ZNRF3: variants seen among roughly 807,000 people sequenced by gnomAD.
ZNRF3 encodes E3 ubiquitin-protein ligase ZNRF3.
ZNRF3 carries 23 observed loss-of-function variants against 72.5 expected under a neutral mutation model. The ratio of observed to expected loss-of-function variants is 0.32; its 90% CI spans 0.23 to 0.45. ZNRF3 has a LOEUF of 0.45. Ranked by LOEUF, ZNRF3 falls within the 20% of genes least tolerant of loss-of-function variation. The pLI is 1.00. For synonymous variants in ZNRF3, 610 were observed against 545.3 expected, an observed-to-expected ratio of 1.12 and a Z score of -1.65; for missense variants, 1,169 against 1,272.1, an observed-to-expected ratio of 0.92 and a Z score of 1.23.
At chr22:28,994,553 T>C (rs7292513) in intron 2 of ZNRF3, among the ~76,000 whole-genome samples, 1,693 of 151,906 alleles carry the variant, frequency 0.011, 40 homozygotes, top group African/African-American at 0.039. Flanking sequence ...AGACAGAAAG[T>C]AGAATGGTGG....
At chr22:28,904,885 G>T (rs1225139403) in intron 1 of ZNRF3, among the ~76,000 whole-genome samples, 2 of 151,432 alleles carry the variant, frequency 1.3e-5, no homozygotes, top group Non-Finnish European at 2.9e-5. Context: ...CTGTTCTTTG[G>T]CTGACCTGAG....
At chr22:28,919,188 C>T (rs903807698) in intron 1 of ZNRF3, among the ~76,000 whole-genome samples, 1 of 152,230 alleles carries the variant, frequency 6.6e-6, no homozygotes, top group Non-Finnish European at 1.5e-5. Flanking sequence ...CAAGTTATTT[C>T]TGAACTGGAG....
intron 4 of ZNRF3, among the ~76,000 whole-genome samples, chr22:29,044,421 C>T (rs1212799005): frequency 6.6e-6 from 1 of 152,230 alleles, no homozygotes; most frequent in African/African-American, 2.4e-5. Context: ...TCCCTCAAAA[C>T]ATGACACTCA....
chr22:28,965,853 A>G (rs935632234), intron 1 of ZNRF3, among the ~76,000 whole-genome samples: 1 of 152,242 alleles, frequency 6.6e-6, no homozygotes, highest in Non-Finnish European at 1.5e-5. Flanking sequence ...GCTGGACAGA[A>G]TAAGCTAGAT....
intron 1 of ZNRF3, among the ~76,000 whole-genome samples, chr22:28,931,074 G>A (rs896180752): frequency 6.6e-6 from 1 of 152,206 alleles, no homozygotes; most frequent in African/African-American, 2.4e-5. Context: ...CAAAGTGAGT[G>A]ACATCGTGAA....
At position 28,984,119 on chromosome 22, in the gene ZNRF3, GT is replaced by G. The variant is rs113767390; in HGVS notation, c.301-2945del. Among the ~76,000 whole-genome samples, 127 of 133,548 alleles carry G rather than the reference GT, an allele frequency of 9.5e-4. 1 individual carries two copies. The highest frequency in any genetic ancestry group is 3.5e-3 in the East Asian group (15 of 4,266). 87.6% of individuals were successfully genotyped at this position (133,548 alleles called of 152,430 possible). A position where few individuals can be genotyped will look rare whatever the true frequency, so the allele number is the denominator to read the frequency against. ...GAGTAAGCTCTTAGGACAGTTGCTT[GT>G]TTTTTTTTTTTAAAAAAAACCTTTT... is the stretch of plus-strand genomic sequence containing the variant. On this transcript the variant is annotated intron_variant, in intron 1 of 8. Transcript: ENST00000544604.
chr22:29,020,023 C>G (rs1017058884), intron 2 of ZNRF3, among the ~76,000 whole-genome samples: 1 of 151,944 alleles, frequency 6.6e-6, no homozygotes, highest in Non-Finnish European at 1.5e-5. Flanking sequence ...CCCAATCCCC[C>G]CATGGATACC....
intron 2 of ZNRF3, among the ~76,000 whole-genome samples, chr22:29,038,074 T>C (rs2036896081): frequency 6.6e-6 from 1 of 152,198 alleles, no homozygotes; most frequent in Admixed American, 6.5e-5. Context: ...TTTCCCATCC[T>C]TTCTTTGAAA....
At chr22:28,944,492 C>T (rs961457141) in intron 1 of ZNRF3, among the ~76,000 whole-genome samples, 18 of 152,078 alleles carry the variant, frequency 1.2e-4, no homozygotes, top group African/African-American at 3.4e-4. Flanking sequence ...CGGTGGCTCA[C>T]GCCTGTAATC....
chr22:28,891,993 T>C (rs2033896419), intron 1 of ZNRF3, among the ~76,000 whole-genome samples: 1 of 152,242 alleles, frequency 6.6e-6, no homozygotes, highest in African/African-American at 2.4e-5. Context: ...TGTAGTTTTC[T>C]GGCATTTAAA....
At chr22:28,981,900 GGCAAGAGAATT>G (rs989132165) in intron 1 of ZNRF3, among the ~76,000 whole-genome samples, 212 of 152,266 alleles carry the variant, frequency 1.4e-3, no homozygotes, top group African/African-American at 4.9e-3. Flanking sequence ...AAGAGGCTGA[GGCAAGAGAATT>G]GCTTGAACCC....
At chr22:28,935,979 C>T (rs997943146) in intron 1 of ZNRF3, among the ~76,000 whole-genome samples, 2 of 152,122 alleles carry the variant, frequency 1.3e-5, no homozygotes, top group African/African-American at 4.8e-5. Context: ...CTGGTGCCCT[C>T]TGTGATGTGA....
At chr22:28,886,927 G>C (rs1161813483) in intron 1 of ZNRF3, among the ~76,000 whole-genome samples, 1 of 152,162 alleles carries the variant, frequency 6.6e-6, no homozygotes, top group African/African-American at 2.4e-5. Context: ...CTGTACTCCA[G>C]CCTGGACAAC....
intron 1 of ZNRF3, among the ~76,000 whole-genome samples, chr22:28,900,776 G>T (rs1018557125): frequency 6.6e-6 from 1 of 152,166 alleles, no homozygotes; most frequent in Non-Finnish European, 1.5e-5. Flanking sequence ...CCATTAGATT[G>T]TAACCTCCTT....
At chr22:28,961,424 G>C (rs1601605185) in intron 1 of ZNRF3, among the ~76,000 whole-genome samples, 1 of 152,166 alleles carries the variant, frequency 6.6e-6, no homozygotes, top group Non-Finnish European at 1.5e-5. Context: ...TCAAAATATG[G>C]ACAGTATTCA....
chr22:28,948,763 A>G (rs765969088), intron 1 of ZNRF3, among the ~76,000 whole-genome samples: 1 of 152,228 alleles, frequency 6.6e-6, no homozygotes, highest in Non-Finnish European at 1.5e-5. Flanking sequence ...ATTAGTTGCA[A>G]TGTAGAATCT....
At chr22:29,051,393 C>T (rs549027581) in intron 8 of ZNRF3, among the ~76,000 whole-genome samples, 23 of 152,160 alleles carry the variant, frequency 1.5e-4, no homozygotes, top group Non-Finnish European at 5.9e-5. Flanking sequence ...TTCATGACTC[C>T]TCATGGCTGG....
rs11912690 is a variant in ZNRF3, at chr22:28,887,495, C to T, written c.300+3429C>T. On this transcript the variant is annotated intron_variant, in intron 1 of 8. Coordinates refer to ENST00000544604, the MANE Select transcript of ZNRF3 (RefSeq NM_001206998.2). ...CAGGAATCTTGGTTCTTCTCCTTTG[C>T]GTTTTAGGCTTAAATAACTATCCCA... Among the ~76,000 whole-genome samples the T allele has an allele frequency of 1.5e-3, 223 of 152,034 alleles. 2 individuals are homozygous for T. Among genetic ancestry groups the T allele is most frequent in the African/African-American group, 5.0e-3 (207 of 41,470 alleles).
chr22:28,994,355 T>C (rs903103106), intron 2 of ZNRF3, among the ~76,000 whole-genome samples: 38 of 151,586 alleles, frequency 2.5e-4, no homozygotes, highest in Admixed American at 2.4e-3. Flanking sequence ...CCTGGATAAT[T>C]TATTTTATAT....
Sources: allele counts gnomAD v4.1 joint callset (sites outside exome capture counted in the v4.1 genomes callset), GRCh38; gene constraint gnomAD v4.1.1; transcripts MANE v1.5; gene names NCBI Gene and HGNC (gene_info 2026-07-23, HGNC 2026-07-21).